Variants in SORCS3 observed in about 807,000 individuals in gnomAD.
SORCS3 encodes the protein sortilin related VPS10 domain containing receptor 3.
SORCS3 carries 57 observed loss-of-function variants against 146.3 expected under a neutral mutation model. That is an observed-to-expected ratio of 0.39 (90% CI 0.31 to 0.49). SORCS3 has a LOEUF of 0.49. Ranked by LOEUF, SORCS3 falls within the 20% of genes least tolerant of loss-of-function variation. The pLI is 0.92. For synonymous variants in SORCS3, 653 were observed against 618.5 expected (o/e 1.06, Z -0.83); for missense variants, 1,341 against 1,575.5 (o/e 0.85, Z 2.52).
intron 7 of SORCS3, among the ~76,000 whole-genome samples, chr10:105,119,097 G>T (rs374472833): frequency 6.6e-6 from 1 of 152,272 alleles, no homozygotes. Flanking sequence ...TGGGCCTAGG[G>T]TCCCCCTGCT....
intron 5 of SORCS3, among the ~76,000 whole-genome samples, chr10:105,049,576 T>C (rs2133709499): frequency 6.6e-6 from 1 of 152,084 alleles, no homozygotes; most frequent in South Asian, 2.1e-4. Flanking sequence ...TTAGTTAAGG[T>C]TTAGTATTTT....
intron 7 of SORCS3, among the ~76,000 whole-genome samples, chr10:105,108,585 G>A (rs1438743099): frequency 6.6e-6 from 1 of 152,146 alleles, no homozygotes; most frequent in Admixed American, 6.6e-5. Context: ...AGACAATTTA[G>A]AGATAAGGCC....
rs1328208210 is a variant in SORCS3 at position 104,641,723 on chromosome 10, C to T, written c.396C>T (p.Arg132=). 6.5e-7 allele frequency: 1 copy of T among 1,542,922 alleles called. No individual in the cohort carries two copies. The highest frequency in any genetic ancestry group is 1.2e-5 in the South Asian group (1 of 83,640). The change falls in exon 1 of 27, where the codon CGC becomes CGT. Residue 132 remains arginine (R), a synonymous_variant. Transcript: ENST00000369701. The surrounding 1 kb of genome is among the most constrained non-coding windows in gnomAD (Gnocchi z 6.4). ...PAKLGGARRS[R]RAQPPITQER... is the part of the protein sequence containing the mutation. ...AGCTTGGCGGCGCGAGGAGGAGTCG[C>T]CGGGCGCAGCCCCCAATCACCCAGG...
At chr10:104,778,982 T>G (rs551159542) in intron 1 of SORCS3, among the ~76,000 whole-genome samples, 3 of 152,274 alleles carry the variant, frequency 2.0e-5, no homozygotes, top group African/African-American at 7.2e-5. Flanking sequence ...TTTTGGATTA[T>G]CTGTGTGGGC....
intron 1 of SORCS3, among the ~76,000 whole-genome samples, chr10:104,700,397 G>A (rs1699748510): frequency 6.7e-6 from 1 of 150,120 alleles, no homozygotes; most frequent in African/African-American, 2.4e-5. Context: ...TGTTCCAGCA[G>A]ACTCCATGTG....
intron 14 of SORCS3, among the ~76,000 whole-genome samples, chr10:105,194,521 T>A (rs1389003042): frequency 6.6e-6 from 1 of 152,190 alleles, no homozygotes; most frequent in African/African-American, 2.4e-5. Context: ...TGCAAGGAAG[T>A]GGGATTTAAT....
intron 7 of SORCS3, among the ~76,000 whole-genome samples, chr10:105,123,399 G>T (rs980745882): frequency 2.0e-5 from 3 of 152,164 alleles, no homozygotes; most frequent in Non-Finnish European, 4.4e-5. Context: ...TCCAATGTCA[G>T]TATCAAACAA....
intron 2 of SORCS3, among the ~76,000 whole-genome samples, chr10:104,893,049 TCA>T (rs1302182955): frequency 1.8e-4 from 27 of 152,306 alleles, no homozygotes; most frequent in Admixed American, 6.5e-5. Flanking sequence ...CTACCCTCTC[TCA>T]GTCTCTGTCA....
chr10:105,168,132 G>A (rs2056329548), intron 13 of SORCS3, among the ~76,000 whole-genome samples: 1 of 152,094 alleles, frequency 6.6e-6, no homozygotes, highest in African/African-American at 2.4e-5. Context: ...TGTCAGAGTA[G>A]AATTGAAACA....
rs1024686509 is a variant in SORCS3 at position 104,882,503 on chromosome 10, G to C, written c.696-33330G>C. ...CAATTCTGATAAATATAGTCTCATT[G>C]TTTGTGCTGGGGAAGGAGCATGGCC... On this transcript the variant is annotated intron_variant, in intron 2 of 26. Transcript: ENST00000369701. Among the ~76,000 whole-genome samples, 3 of 152,118 alleles carry C rather than the reference G, an allele frequency of 2.0e-5. No individual in the cohort carries two copies. In the South Asian group the frequency reaches 6.2e-4, roughly 32 times the overall value.
At chr10:104,669,424 C>G (rs2015824421) in intron 1 of SORCS3, among the ~76,000 whole-genome samples, 1 of 152,178 alleles carries the variant, frequency 6.6e-6, no homozygotes, top group Non-Finnish European at 1.5e-5. Context: ...CCAGCCCTGA[C>G]AACCATCATT....
At chr10:105,095,424 T>A (rs2055738927) in intron 6 of SORCS3, among the ~76,000 whole-genome samples, 1 of 152,172 alleles carries the variant, frequency 6.6e-6, no homozygotes. Context: ...TCTCAGGGAC[T>A]GTACTCTGAG....
chr10:105,203,285 G>A lies in SORCS3; in HGVS notation c.2261+2032G>A, dbSNP rs570069865. Among the ~76,000 whole-genome samples the A allele has an allele frequency of 1.1e-4, 16 of 152,284 alleles. No individual in the cohort carries two copies. In the South Asian group the frequency reaches 3.1e-3, roughly 30 times the overall value. ...CTGTGACCATTTTGAGCCCTTGGCA[G>A]CAAAGTATATTTTCACATTGTGAAA... On this transcript the variant is annotated intron_variant, in intron 16 of 26. Coordinates refer to ENST00000369701, the MANE Select transcript of SORCS3 (RefSeq NM_014978.3).
rs556985540 is a variant in SORCS3 at position 104,853,125 on chromosome 10, T to C, written c.695+10266T>C. On this transcript the variant is annotated intron_variant, in intron 2 of 26. Transcript: ENST00000369701. ...CCAGCCTGACCAACATGGTGAAACC[T>C]CATCTCTACTAAAAATACAAAAAGT... Among the ~76,000 whole-genome samples the C allele has an allele frequency of 3.3e-5, 5 of 152,204 alleles. No individual in the cohort carries two copies. In the East Asian group the frequency reaches 7.8e-4, roughly 24 times the overall value.
At chr10:105,176,122 C>T (rs931836674) in intron 13 of SORCS3, among the ~76,000 whole-genome samples, 7 of 152,002 alleles carry the variant, frequency 4.6e-5, no homozygotes, top group Non-Finnish European at 1.0e-4. Context: ...AAAGAGGGCC[C>T]GTCATTATTC....
chr10:104,976,621 T>C (rs1375820008), intron 3 of SORCS3, among the ~76,000 whole-genome samples: 1 of 152,200 alleles, frequency 6.6e-6, no homozygotes, highest in Non-Finnish European at 1.5e-5. Flanking sequence ...CATATGTTTA[T>C]TGCAGCACTA....
At chr10:104,897,547 A>G (rs2018810485) in intron 2 of SORCS3, among the ~76,000 whole-genome samples, 1 of 152,210 alleles carries the variant, frequency 6.6e-6, no homozygotes, top group African/African-American at 2.4e-5. Flanking sequence ...AAGCAGGATA[A>G]TTTTCACATT....
At position 105,214,560 on chromosome 10, in the gene SORCS3, C is replaced by T. The variant is rs766458554; in HGVS notation, c.2494C>T (p.Arg832Trp). 4 of 1,609,794 alleles carry T rather than the reference C, an allele frequency of 2.5e-6. No homozygotes were observed. The highest frequency in any genetic ancestry group is 2.2e-5 in the East Asian group (1 of 44,768). ...RGLHVVTTDG[R>W]LVAEQGHNAT... is the part of the protein sequence containing the mutation. ...CCTCCATGTGGTGACGACCGATGGGCGGCTGGTGGCAGAGCAGGGGCACAA... is the reference window on the plus strand; with the variant it reads ...CCTCCATGTGGTGACGACCGATGGGTGGCTGGTGGCAGAGCAGGGGCACAA... Residue 832 changes from arginine (R) to tryptophan (W), a missense_variant, in exon 18 of 27, where the codon CGG becomes TGG. By Grantham distance (101) the Arg-to-Trp change is moderately radical. Transcript: ENST00000369701.
chr10:105,125,667 A>G (rs913320063), intron 7 of SORCS3, among the ~76,000 whole-genome samples: 26 of 149,894 alleles, frequency 1.7e-4, no homozygotes, highest in Admixed American at 4.0e-4. Flanking sequence ...TGCATGTTGC[A>G]TCACTGAATA....
Sources: gnomAD v4.1 joint callset for allele counts (sites outside exome capture counted in the v4.1 genomes callset) on GRCh38, gnomAD v4.1.1 for gene constraint, Gnocchi (gnomAD v3.1) non-coding constraint, MANE v1.5 for transcripts, NCBI Gene and HGNC (gene_info 2026-07-23, HGNC 2026-07-21) for gene names.